RBFOX1: variants seen among roughly 807,000 people sequenced by gnomAD.
RBFOX1 encodes the protein RNA binding protein fox-1 homolog 1.
Under a neutral mutation model 57.7 loss-of-function variants are expected in RBFOX1, and 8 were observed. That is an observed-to-expected ratio of 0.14 (90% CI 0.08 to 0.25). The LOEUF (loss-of-function observed/expected upper bound fraction) is 0.25. Ranked by LOEUF, RBFOX1 falls within the 10% of genes least tolerant of loss-of-function variation. RBFOX1 has a pLI of 1.00. For synonymous variants in RBFOX1, 326 were observed against 222.4 expected (o/e 1.47, Z -4.15); for missense variants, 611 against 548.5 (o/e 1.11, Z -1.14).
chr16:7,110,875 C>T (rs1177783552), intron 4 of RBFOX1, among the ~76,000 whole-genome samples: 1 of 152,030 alleles, frequency 6.6e-6, no homozygotes, highest in African/African-American at 2.4e-5. Context: ...CCCTCCCATC[C>T]CAGGGTCAGC....
intron 3 of RBFOX1, among the ~76,000 whole-genome samples, chr16:5,651,628 C>T (rs181812753): frequency 3.0e-4 from 46 of 152,288 alleles, no homozygotes; most frequent in African/African-American, 1.0e-3. Context: ...CTTTCCCCAA[C>T]CCTCCATCAG....
At chr16:6,990,873 G>A (rs1362004885) in intron 3 of RBFOX1, among the ~76,000 whole-genome samples, 1 of 152,042 alleles carries the variant, frequency 6.6e-6, no homozygotes, top group Non-Finnish European at 1.5e-5. Flanking sequence ...AATTTTTTAA[G>A]ATAAGATAAG....
chr16:6,617,319 C>G (rs1019441881), intron 2 of RBFOX1, among the ~76,000 whole-genome samples: 5 of 151,906 alleles, frequency 3.3e-5, no homozygotes, highest in African/African-American at 1.2e-4. Context: ...TACAAAGCCT[C>G]AAAAACAGAT....
chr16:5,720,184 A>G (rs986732127), intron 3 of RBFOX1, among the ~76,000 whole-genome samples: 1 of 152,124 alleles, frequency 6.6e-6, no homozygotes, highest in African/African-American at 2.4e-5. Flanking sequence ...GATATTGAAC[A>G]TTGTGTGTGT....
chr16:6,972,118 T>TA (rs959163476), intron 3 of RBFOX1, among the ~76,000 whole-genome samples: 6 of 152,198 alleles, frequency 3.9e-5, no homozygotes, highest in African/African-American at 1.4e-4. Flanking sequence ...ACACAACATC[T>TA]AACCATCTTA....
chr16:7,414,423 T>C (rs2098459597), intron 4 of RBFOX1, among the ~76,000 whole-genome samples: 2 of 152,222 alleles, frequency 1.3e-5, no homozygotes, highest in South Asian at 4.1e-4. Flanking sequence ...GGAAGAAAAA[T>C]ATTGAAAAAT....
intron 4 of RBFOX1, among the ~76,000 whole-genome samples, chr16:7,193,588 G>C (rs563791898): frequency 2.6e-5 from 4 of 152,104 alleles, no homozygotes; most frequent in African/African-American, 9.7e-5. Flanking sequence ...ATGCATTACC[G>C]TCCTTGATCC....
chr16:6,803,778 T>C (rs1301650322), intron 3 of RBFOX1, among the ~76,000 whole-genome samples: 1 of 152,204 alleles, frequency 6.6e-6, no homozygotes, highest in Non-Finnish European at 1.5e-5. Flanking sequence ...ATAAGATTCA[T>C]AAGGAATGTT....
chr16:6,277,545 A>C lies in RBFOX1; in HGVS notation c.-126-39450A>C, dbSNP rs1414379935. Among the ~76,000 whole-genome samples the C allele has an allele frequency of 4.0e-5, 6 of 151,164 alleles. No individual in the cohort carries two copies. The East Asian group carries it at 1.2e-3, about 29-fold the overall frequency. On this transcript the variant is annotated intron_variant, in intron 1 of 15. Transcript: ENST00000550418. Reference sequence around the variant, plus strand: ...TCAGCACTTTGAGAGGCTAAGGCAGAAGGATCGCTTGAGCCCAGGAGTTGG... The same window carrying C: ...TCAGCACTTTGAGAGGCTAAGGCAGCAGGATCGCTTGAGCCCAGGAGTTGG...
At chr16:7,544,125 C>G (rs943016839) in intron 5 of RBFOX1, among the ~76,000 whole-genome samples, 2 of 152,186 alleles carry the variant, frequency 1.3e-5, no homozygotes, top group African/African-American at 4.8e-5. Context: ...CCAGGAAAGC[C>G]TGAATTGAAA....
intron 3 of RBFOX1, among the ~76,000 whole-genome samples, chr16:5,839,791 T>A (rs1319940439): frequency 6.6e-6 from 1 of 152,188 alleles, no homozygotes; most frequent in African/African-American, 2.4e-5. Flanking sequence ...TGAATGCGGT[T>A]TTCTTTTCTT....
At chr16:7,049,573 T>C (rs1414873895) in intron 3 of RBFOX1, among the ~76,000 whole-genome samples, 1 of 152,218 alleles carries the variant, frequency 6.6e-6, no homozygotes, top group Non-Finnish European at 1.5e-5. Flanking sequence ...TTTATATGGC[T>C]GGGTGTCTGA....
intron 2 of RBFOX1, among the ~76,000 whole-genome samples, chr16:6,489,077 A>G (rs1261426016): frequency 3.9e-5 from 6 of 152,172 alleles, no homozygotes; most frequent in African/African-American, 7.2e-5. Flanking sequence ...CTTTATAAAT[A>G]TGGCATGGGT....
chr16:7,303,781 C>G (rs2096093195), intron 4 of RBFOX1, among the ~76,000 whole-genome samples: 1 of 149,554 alleles, frequency 6.7e-6, no homozygotes, highest in Non-Finnish European at 1.5e-5. Context: ...CTCTCTCTCT[C>G]TGTCTCTCCC....
At chr16:6,953,526 C>T (rs565816234) in intron 3 of RBFOX1, among the ~76,000 whole-genome samples, 57 of 152,140 alleles carry the variant, frequency 3.7e-4, no homozygotes, top group African/African-American at 1.1e-3. Context: ...GCTGGGATTA[C>T]GGGGGTGTGT....
In RBFOX1 at chr16:6,841,660, CAG is replaced by C. The variant is rs543632463; in HGVS notation, c.-16+187013_-16+187014del. ...GTTCCTGCCGGCTCTTGAGTAGTAA[CAG>C]AGTGCTTTAGCCCTCTGTGGAAAAT... On this transcript the variant is annotated intron_variant, in intron 3 of 15. Coordinates refer to ENST00000550418, the MANE Select transcript of RBFOX1 (RefSeq NM_018723.4). Among the ~76,000 whole-genome samples, 16 of 152,222 alleles carry C rather than the reference CAG, an allele frequency of 1.1e-4. No homozygotes were observed. The South Asian group carries it at 2.7e-3, about 26-fold the overall frequency.
chr16:5,693,586 C>G (rs977003587), intron 3 of RBFOX1, among the ~76,000 whole-genome samples: 2 of 152,054 alleles, frequency 1.3e-5, no homozygotes, highest in Admixed American at 6.6e-5. Flanking sequence ...TTCTTTCAAT[C>G]ATGCTGCTGT....
At chr16:5,892,198 T>C (rs2058060194) in intron 4 of RBFOX1, among the ~76,000 whole-genome samples, 1 of 152,118 alleles carries the variant, frequency 6.6e-6, no homozygotes, top group Admixed American at 6.6e-5. Context: ...GGGCTGGCAG[T>C]GCTAGGTACA....
At chr16:5,751,076 G>C (rs530936710) in intron 3 of RBFOX1, among the ~76,000 whole-genome samples, 1 of 152,156 alleles carries the variant, frequency 6.6e-6, no homozygotes, top group Non-Finnish European at 1.5e-5. Context: ...CTTCTGACCT[G>C]AAGAGATCTG....
Sources: gnomAD v4.1 joint callset for allele counts (sites outside exome capture counted in the v4.1 genomes callset) on GRCh38, gnomAD v4.1.1 for gene constraint, MANE v1.5 for transcripts, NCBI Gene and HGNC (gene_info 2026-07-23, HGNC 2026-07-21) for gene names.